LYN: variants seen among roughly 807,000 people sequenced by gnomAD.
The protein encoded by LYN is tyrosine-protein kinase Lyn.
In LYN, 12 loss-of-function variants were observed where a neutral mutation model predicts 65.0. That is an observed-to-expected ratio of 0.18 (90% CI 0.12 to 0.30). LYN has a LOEUF of 0.30. Ranked by LOEUF, LYN falls within the 10% of genes least tolerant of loss-of-function variation. The probability of loss-of-function intolerance (pLI) is 1.00; values close to 1 mark genes in which losing one functional copy is unlikely to be tolerated. For synonymous variants in LYN, 222 were observed against 221.2 expected (o/e 1.00, Z -0.03); for missense variants, 380 against 623.2 (o/e 0.61, Z 4.16).
At chr8:55,924,238 G>T (rs897662858) in intron 1 of LYN, among the ~76,000 whole-genome samples, 2 of 152,010 alleles carry the variant, frequency 1.3e-5, no homozygotes, top group Non-Finnish European at 2.9e-5. Context: ...ATATCCCAGG[G>T]CACCTCTGTG....
At chr8:55,970,347 CAT>C (rs1807578743) in intron 10 of LYN, among the ~76,000 whole-genome samples, 1 of 152,134 alleles carries the variant, frequency 6.6e-6, no homozygotes, top group Non-Finnish European at 1.5e-5. Flanking sequence ...TTTGGAATCA[CAT>C]GTTTCCTGAA....
intron 8 of LYN, among the ~76,000 whole-genome samples, chr8:55,961,635 T>C (rs1807276957): frequency 6.6e-6 from 1 of 152,208 alleles, no homozygotes. Context: ...AAGCGTTTTT[T>C]TTCCTTCGTC....
intron 6 of LYN, among the ~76,000 whole-genome samples, chr8:55,951,266 A>G (rs1292000513): frequency 6.6e-6 from 1 of 152,136 alleles, no homozygotes; most frequent in East Asian, 1.9e-4. Context: ...AGAGAAAAGA[A>G]AAGAAAAGTA....
At chr8:55,942,125 G>A in intron 2 of LYN, 134 bp downstream of exon 2, 1 of 881,988 alleles carries the variant, frequency 1.1e-6, no homozygotes, top group Non-Finnish European at 1.7e-6. Context: ...TTTTTGATAT[G>A]CTTTGTAACT....
intron 1 of LYN, among the ~76,000 whole-genome samples, chr8:55,926,235 T>C (rs1198436299): frequency 6.6e-6 from 1 of 152,228 alleles, no homozygotes; most frequent in African/African-American, 2.4e-5. Context: ...AGTGGCTCTA[T>C]TATATCCATT....
rs1806919439 is a variant in LYN, at chr8:55,950,782, A to C, written c.485A>C (p.Lys162Thr). 1 of 1,602,520 alleles carries C rather than the reference A, an allele frequency of 6.2e-7. No individual in the cohort carries two copies. Among genetic ancestry groups the C allele is most frequent in the Non-Finnish European group, 8.6e-7 (1 of 1,169,460 alleles). ...AFLIRESETL[K>T]GSFSLSVRDF... Reference sequence around the variant, plus strand: ...CTTATTAGAGAAAGTGAAACATTAAAAGGTAGGAAATTGTTCAAAGCCTCT... The same window carrying C: ...CTTATTAGAGAAAGTGAAACATTAACAGGTAGGAAATTGTTCAAAGCCTCT... Residue 162 changes from lysine to threonine, a missense_variant and splice_region_variant, in exon 6 of 13, where the codon AAA becomes ACA. Physicochemically the swap from Lys to Thr is moderately conservative, Grantham distance 78. Coordinates refer to ENST00000519728, the MANE Select transcript of LYN (RefSeq NM_002350.4).
At chr8:55,927,126 A>T (rs2130444200) in intron 1 of LYN, among the ~76,000 whole-genome samples, 1 of 152,350 alleles carries the variant, frequency 6.6e-6, no homozygotes, top group South Asian at 2.1e-4. Context: ...TTTCATTAGG[A>T]TTCACTCTTG....
At chr8:55,906,025 CTT>C (rs1805408605) in intron 1 of LYN, among the ~76,000 whole-genome samples, 2 of 152,192 alleles carry the variant, frequency 1.3e-5, no homozygotes, top group Admixed American at 1.3e-4. Context: ...TGTGTTGTTG[CTT>C]TTCTTTCTTT....
Position 55,911,180 on chromosome 8 carries a change from T to TATGC in LYN, c.-5-30673_-5-30672insGCAT, listed in dbSNP as rs796796715. Among the ~76,000 whole-genome samples, 24 of 22,342 alleles carry TATGC rather than the reference T, an allele frequency of 1.1e-3. 6 individuals are homozygous for TATGC. Among genetic ancestry groups the TATGC allele is most frequent in the African/African-American group, 2.5e-3 (24 of 9,570 alleles). 14.7% of individuals were successfully genotyped at this position (22,342 alleles called of 152,430 possible). A position where few individuals can be genotyped will look rare whatever the true frequency, so the allele number is the denominator to read the frequency against. The stretch of plus-strand genomic sequence containing the variant: ...ATGTACATATATATACACGTATATA[T>TATGC]ATATATATACACACACACATATATA... On this transcript the variant is annotated intron_variant, in intron 1 of 12. Transcript: ENST00000519728.
At chr8:55,923,249 C>G (rs1461073667) in intron 1 of LYN, among the ~76,000 whole-genome samples, 1 of 152,096 alleles carries the variant, frequency 6.6e-6, no homozygotes, top group African/African-American at 2.4e-5. Context: ...TTCTGAGAGT[C>G]AGTAGTTTCT....
intron 10 of LYN, among the ~76,000 whole-genome samples, chr8:55,984,934 A>C (rs1278188836): frequency 1.3e-5 from 2 of 152,216 alleles, no homozygotes; most frequent in Non-Finnish European, 2.9e-5. Flanking sequence ...TTATCATTAA[A>C]TTCACCTTGG....
At chr8:55,984,074 G>A (rs905739608) in intron 10 of LYN, among the ~76,000 whole-genome samples, 3 of 152,102 alleles carry the variant, frequency 2.0e-5, no homozygotes, top group Admixed American at 1.3e-4. Context: ...TCTGTCTTCC[G>A]GTGGCCTCTG....
intron 2 of LYN, among the ~76,000 whole-genome samples, chr8:55,942,478 C>T (rs1806651942): frequency 6.7e-6 from 1 of 148,242 alleles, no homozygotes; most frequent in Non-Finnish European, 1.5e-5. Context: ...CATACATAGG[C>T]TTGTGTGACT....
At chr8:55,993,705 G>A (rs1563327230) in intron 10 of LYN, among the ~76,000 whole-genome samples, 1 of 152,184 alleles carries the variant, frequency 6.6e-6, no homozygotes, top group Admixed American at 6.5e-5. Flanking sequence ...GTGTATAGTA[G>A]GTGTTCAATT....
chr8:55,972,916 C>T (rs1031271490), intron 10 of LYN, among the ~76,000 whole-genome samples: 1 of 152,158 alleles, frequency 6.6e-6, no homozygotes, highest in Admixed American at 6.5e-5. Context: ...GATAATGATG[C>T]GACTTGCTGT....
At chr8:55,937,840 C>T (rs143625316) in intron 1 of LYN, among the ~76,000 whole-genome samples, 185 of 152,194 alleles carry the variant, frequency 1.2e-3, no homozygotes, top group African/African-American at 4.2e-3. Flanking sequence ...GGACTACAGA[C>T]GGGTGCCACC....
intron 2 of LYN, among the ~76,000 whole-genome samples, chr8:55,946,067 G>T (rs1318988111): frequency 6.6e-6 from 1 of 152,226 alleles, no homozygotes; most frequent in Non-Finnish European, 1.5e-5. Flanking sequence ...CCGATCTGCG[G>T]ACCAAAACTC....
At chr8:56,001,903 A>G (rs1236442959) in intron 12 of LYN, among the ~76,000 whole-genome samples, 14 of 152,182 alleles carry the variant, frequency 9.2e-5, no homozygotes, top group Admixed American at 5.9e-4. Context: ...TCTGAGCCCC[A>G]GATCCATGTG....
chr8:55,993,407 A>G (rs143487683), intron 10 of LYN, among the ~76,000 whole-genome samples: 10 of 152,320 alleles, frequency 6.6e-5, no homozygotes, highest in African/African-American at 2.4e-4. Flanking sequence ...TACTCTCTCA[A>G]TGAAATCTTT....
Sources: gnomAD v4.1 joint callset for allele counts (sites outside exome capture counted in the v4.1 genomes callset) on GRCh38, gnomAD v4.1.1 for gene constraint, MANE v1.5 for transcripts, NCBI Gene and HGNC (gene_info 2026-07-23, HGNC 2026-07-21) for gene names.